PCNX2: variants seen among roughly 807,000 people sequenced by gnomAD.
PCNX2 encodes pecanex-like protein 2.
PCNX2 carries 168 observed loss-of-function variants against 223.8 expected under a neutral mutation model. That is an observed-to-expected ratio of 0.75 (90% CI 0.66 to 0.85). The LOEUF is 0.85. PCNX2 is among the 40% of genes least tolerant of loss of function. PCNX2 has a pLI of 0.00. For synonymous variants in PCNX2, 1,006 were observed against 1,052.6 expected (o/e 0.96, Z 0.86); for missense variants, 2,507 against 2,675.5 (o/e 0.94, Z 1.39).
At chr1:233,310,665 T>C in the PCNX2 span, among the ~76,000 whole-genome samples, 1 of 152,190 alleles carries the variant, frequency 6.6e-6, no homozygotes, top group Non-Finnish European at 1.5e-5. Flanking sequence ...TCTCTGTCCC[T>C]GTGTATTGCT....
At chr1:233,231,608 T>C (rs1270216676) in intron 9 of PCNX2, 2 of 967,390 alleles carry the variant, frequency 2.1e-6, no homozygotes, top group East Asian at 2.3e-4. Flanking sequence ...TCAGAACGTA[T>C]CTGTAGATTT....
At chr1:233,043,915 A>T (rs1447187406) in intron 25 of PCNX2, among the ~76,000 whole-genome samples, 1 of 151,642 alleles carries the variant, frequency 6.6e-6, no homozygotes, top group African/African-American at 2.4e-5. Context: ...TCCTTTGGGT[A>T]TATACCCAGT....
intron 19 of PCNX2, among the ~76,000 whole-genome samples, chr1:233,147,753 T>G (rs1280139030): frequency 6.6e-6 from 1 of 151,514 alleles, no homozygotes; most frequent in Non-Finnish European, 1.5e-5. Context: ...CAGCATTTTG[T>G]TGGCAGGCCC....
intron 23 of PCNX2, among the ~76,000 whole-genome samples, chr1:233,062,472 T>C (rs1672442055): frequency 6.6e-6 from 1 of 152,222 alleles, no homozygotes; most frequent in African/African-American, 2.4e-5. Context: ...GCTACGTGAC[T>C]TAATGCATTG....
intron 21 of PCNX2, among the ~76,000 whole-genome samples, chr1:233,111,798 T>C (rs982276971): frequency 6.6e-6 from 1 of 152,244 alleles, no homozygotes; most frequent in Admixed American, 6.5e-5. Context: ...AGTTTTACTT[T>C]TATCTTCTAG....
chr1:233,115,953 G>A (rs1380129290), intron 21 of PCNX2, among the ~76,000 whole-genome samples: 2 of 152,084 alleles, frequency 1.3e-5, no homozygotes, highest in African/African-American at 2.4e-5. Flanking sequence ...GAGAAAATGT[G>A]TATTATGCAA....
At chr1:233,031,770 T>G (rs1671273573) in intron 25 of PCNX2, 1 of 984,558 alleles carries the variant, frequency 1.0e-6, no homozygotes, top group African/African-American at 1.8e-5. Flanking sequence ...GCTTTGGCTC[T>G]TGGCTGAAAG....
intron 25 of PCNX2, among the ~76,000 whole-genome samples, chr1:233,039,179 A>G (rs1252782858): frequency 6.6e-6 from 1 of 152,194 alleles, no homozygotes; most frequent in African/African-American, 2.4e-5. Context: ...AACTTCAAGA[A>G]CCAAAAATAC....
In PCNX2 at chr1:233,160,438, G is replaced by A. The variant is rs773301811; in HGVS notation, c.3367-5C>T. 10 of 1,612,776 alleles carry A rather than the reference G, an allele frequency of 6.2e-6. No homozygotes were observed. Among genetic ancestry groups the A allele is most frequent in the African/African-American group, 1.3e-5 (1 of 75,014 alleles). On this transcript the variant is annotated splice_region_variant and splice_polypyrimidine_tract_variant and intron_variant, in intron 18 of 33. Coordinates refer to ENST00000258229, the MANE Select transcript of PCNX2 (RefSeq NM_014801.4). ...CAGCACGATGCTGAGAAATGGCTGC[G>A]ATAAAAATGGGCAGAATCTCATTAC...
intron 13 of PCNX2, among the ~76,000 whole-genome samples, chr1:233,204,027 T>C (rs1681299721): frequency 6.6e-6 from 1 of 152,330 alleles, no homozygotes; most frequent in South Asian, 2.1e-4. Context: ...ATAGGTTGAA[T>C]TATGTTCCCA....
intron 9 of PCNX2, among the ~76,000 whole-genome samples, chr1:233,235,883 T>C (rs1289883843): frequency 6.7e-6 from 1 of 148,782 alleles, no homozygotes. Context: ...ATTACAGGCG[T>C]GAGCCACTGC....
chr1:233,079,250 T>A (rs892801637), intron 23 of PCNX2, among the ~76,000 whole-genome samples: 3 of 152,082 alleles, frequency 2.0e-5, no homozygotes, highest in Non-Finnish European at 4.4e-5. Flanking sequence ...GGTGGCCGGG[T>A]GTGGTGGCTT....
In PCNX2 at chr1:232,999,210, G is replaced by A; in HGVS notation, c.5498C>T (p.Pro1833Leu). 1 of 1,613,926 alleles carries A rather than the reference G, an allele frequency of 6.2e-7. No homozygotes were observed. Among genetic ancestry groups the A allele is most frequent in the Admixed American group, 1.7e-5 (1 of 60,018 alleles). The change falls in exon 31 of 34, where the codon CCA (proline) becomes CTA (leucine). Residue 1833 changes from proline to leucine, a missense_variant. This residue lies in a region of PCNX2 where 1,372 missense variants were observed against 1,509.4 expected (regional missense o/e 0.91). Transcript: ENST00000258229. Reference sequence around the variant, plus strand: ...TGTCCCTAGGTAGGATGTGGTTAGTGGGGAGACATACATGGGGTACCCCAG... The same window carrying A: ...TGTCCCTAGGTAGGATGTGGTTAGTAGGGAGACATACATGGGGTACCCCAG... ...QPLGYPMYVSPLTTSYLGTHR... is the reference protein window; with the variant it reads ...QPLGYPMYVSLLTTSYLGTHR...
intron 17 of PCNX2, among the ~76,000 whole-genome samples, chr1:233,176,003 A>G (rs768932458): frequency 2.6e-5 from 4 of 152,204 alleles, no homozygotes; most frequent in Non-Finnish European, 5.9e-5. Flanking sequence ...TGTACTGAGC[A>G]CCCACTGTAA....
At chr1:233,037,829 T>A (rs1671508387) in intron 25 of PCNX2, among the ~76,000 whole-genome samples, 1 of 152,230 alleles carries the variant, frequency 6.6e-6, no homozygotes, top group African/African-American at 2.4e-5. Context: ...GTTTTTTCTG[T>A]GACCTGTCTG....
intron 25 of PCNX2, among the ~76,000 whole-genome samples, chr1:233,039,431 T>C (rs1279589329): frequency 6.6e-6 from 1 of 152,212 alleles, no homozygotes; most frequent in East Asian, 1.9e-4. Context: ...ACCTACTTAC[T>C]TTATAGAGCT....
At chr1:233,297,773 A>T (rs1662198617), upstream of PCNX2, among the ~76,000 whole-genome samples, 1 of 152,200 alleles carries the variant, frequency 6.6e-6, no homozygotes, top group South Asian at 2.1e-4. Context: ...ATGGACAAGA[A>T]CTGGAAGGCT....
At chr1:232,985,682 A>G in intron 33 of PCNX2, 1 of 449,026 alleles carries the variant, frequency 2.2e-6, no homozygotes, top group Non-Finnish European at 3.9e-6. Context: ...ATTGGCTGAG[A>G]AGCAGTGAAG....
intron 21 of PCNX2, among the ~76,000 whole-genome samples, chr1:233,117,304 T>C (rs907986172): frequency 3.3e-5 from 5 of 152,172 alleles, no homozygotes; most frequent in Non-Finnish European, 7.3e-5. Flanking sequence ...ATTACCCTAA[T>C]AGCAAAACCA....
Sources: allele counts gnomAD v4.1 joint callset (sites outside exome capture counted in the v4.1 genomes callset), GRCh38; gene constraint gnomAD v4.1.1; regional missense constraint gnomAD v4.1.1; transcripts MANE v1.5; gene names NCBI Gene and HGNC (gene_info 2026-07-23, HGNC 2026-07-21).